Variants in RSU1 observed in about 807,000 individuals in gnomAD.
RSU1 encodes the protein rsu-1.
RSU1 carries 26 observed loss-of-function variants against 31.1 expected under a neutral mutation model. The observed-to-expected ratio is 0.84, with a 90% CI of 0.61 to 1.16. The LOEUF is 1.16. Among genes scored for constraint, RSU1 ranks in the 50% most tolerant of loss-of-function variants. The pLI is 0.00. For missense variants in RSU1, 320 were observed against 339.1 expected (o/e 0.94, Z 0.44); for synonymous variants, 164 against 136.3 (o/e 1.20, Z -1.41).
At chr10:16,638,353 T>A (rs1446067013) in intron 8 of RSU1, among the ~76,000 whole-genome samples, 1 of 152,146 alleles carries the variant, frequency 6.6e-6, no homozygotes, top group African/African-American at 2.4e-5. Flanking sequence ...CTTACGCAGA[T>A]CATCCCCGCC....
chr10:16,604,341 A>G (rs1174677564), intron 8 of RSU1, among the ~76,000 whole-genome samples: 2 of 152,128 alleles, frequency 1.3e-5, no homozygotes, highest in Admixed American at 1.3e-4. Flanking sequence ...CTGGAGAGAG[A>G]ACCTGCCCAT....
intron 2 of RSU1, among the ~76,000 whole-genome samples, chr10:16,805,166 C>T (rs1290631844): frequency 1.3e-5 from 2 of 151,916 alleles, no homozygotes; most frequent in Non-Finnish European, 2.9e-5. Flanking sequence ...CAGATCACAC[C>T]ATTGCAATCC....
intron 2 of RSU1, among the ~76,000 whole-genome samples, chr10:16,785,998 T>C (rs78150540): frequency 0.045 from 6,835 of 152,162 alleles, 311 homozygotes; most frequent in East Asian, 0.14. Flanking sequence ...TCTGACAATG[T>C]CTGGAGACAT....
In RSU1 at chr10:16,755,563, G is replaced by A. The variant is rs966157343; in HGVS notation, c.282-574C>T. Among the ~76,000 whole-genome samples the A allele has an allele frequency of 7.2e-5, 11 of 151,878 alleles. No homozygotes were observed. In the East Asian group the frequency reaches 7.7e-4, roughly 11 times the overall value. ...GTTTAAATCATACTATTTAACACAC[G>A]CGCTGCCTCATATGCTTGTCATTTT... On this transcript the variant is annotated intron_variant, in intron 4 of 8. Coordinates refer to ENST00000345264, the MANE Select transcript of RSU1 (RefSeq NM_012425.4).
chr10:16,739,857 C>A (rs1196971342), intron 7 of RSU1, among the ~76,000 whole-genome samples: 1 of 152,054 alleles, frequency 6.6e-6, no homozygotes, highest in Non-Finnish European at 1.5e-5. Flanking sequence ...GTGATCCACC[C>A]GCCTCAGCCT....
intron 7 of RSU1, among the ~76,000 whole-genome samples, chr10:16,714,668 T>C (rs1255524572): frequency 6.6e-6 from 1 of 152,106 alleles, no homozygotes; most frequent in East Asian, 1.9e-4. Context: ...CCATGTGACC[T>C]ATGCTTTGGG....
chr10:16,714,151 T>A (rs1188527782), intron 7 of RSU1, among the ~76,000 whole-genome samples: 1 of 152,108 alleles, frequency 6.6e-6, no homozygotes, highest in Non-Finnish European at 1.5e-5. Flanking sequence ...GGGCTGAGCT[T>A]AGGTGCATAT....
intron 8 of RSU1, among the ~76,000 whole-genome samples, chr10:16,623,667 T>C (rs1198536243): frequency 1.3e-5 from 2 of 152,228 alleles, no homozygotes; most frequent in African/African-American, 4.8e-5. Context: ...CCGTGTTCTC[T>C]GCAGCCTCGC....
chr10:16,593,500 C>T lies in RSU1; in HGVS notation c.732-4G>A, dbSNP rs761883228. The T allele has an allele frequency of 6.2e-6, 10 of 1,608,022 alleles. No individual in the cohort carries two copies. In the South Asian group the frequency reaches 1.1e-4, roughly 18 times the overall value. ...CTGCATGTGTCTGCCGTAGAGGCTG[C>T]AAAGACAGAGAAAGGACACTATCAG... On this transcript the variant is annotated splice_region_variant and splice_polypyrimidine_tract_variant and intron_variant, in intron 8 of 8. Coordinates refer to ENST00000345264, the MANE Select transcript of RSU1 (RefSeq NM_012425.4).
At chr10:16,707,139 T>G (rs1421406070) in intron 7 of RSU1, among the ~76,000 whole-genome samples, 1 of 152,220 alleles carries the variant, frequency 6.6e-6, no homozygotes. Flanking sequence ...GTATTCATTC[T>G]TGCATTAATG....
At chr10:16,799,788 T>G (rs1033164264) in intron 2 of RSU1, among the ~76,000 whole-genome samples, 6 of 152,022 alleles carry the variant, frequency 3.9e-5, no homozygotes, top group Non-Finnish European at 2.9e-5. Context: ...CTGATGGAAA[T>G]ACCCAACTCC....
chr10:16,744,131 CAA>C (rs199565122), intron 7 of RSU1, among the ~76,000 whole-genome samples: 15 of 114,856 alleles, frequency 1.3e-4, no homozygotes, highest in Admixed American at 3.7e-4. Context: ...GACTCTGTCT[CAA>C]AAAAAAAAAA....
At chr10:16,781,223 T>C (rs1837642264) in intron 3 of RSU1, among the ~76,000 whole-genome samples, 2 of 152,138 alleles carry the variant, frequency 1.3e-5, no homozygotes, top group Non-Finnish European at 2.9e-5. Flanking sequence ...CGTGGGTCCC[T>C]GTCATTAAAA....
intron 8 of RSU1, among the ~76,000 whole-genome samples, chr10:16,664,787 G>T (rs1368942767): frequency 6.6e-6 from 1 of 152,164 alleles, no homozygotes; most frequent in East Asian, 1.9e-4. Context: ...GCAGTTTAGA[G>T]ACATAATACC....
intron 8 of RSU1, among the ~76,000 whole-genome samples, chr10:16,619,010 T>C (rs1004082470): frequency 6.6e-6 from 1 of 152,184 alleles, no homozygotes; most frequent in Non-Finnish European, 1.5e-5. Flanking sequence ...AAAATGGGCA[T>C]TCCACCTGCT....
intron 8 of RSU1, among the ~76,000 whole-genome samples, chr10:16,599,627 T>C (rs1450632098): frequency 1.3e-5 from 2 of 152,314 alleles, no homozygotes; most frequent in South Asian, 2.1e-4. Context: ...CCAGCTACCA[T>C]GGAGAGCTTG....
At chr10:16,736,456 A>AAG (rs1455031617) in intron 7 of RSU1, among the ~76,000 whole-genome samples, 1 of 152,180 alleles carries the variant, frequency 6.6e-6, no homozygotes, top group Non-Finnish European at 1.5e-5. Context: ...CCCAGGAGTA[A>AAG]AGACTAGTAA....
At chr10:16,777,231 TTACA>T (rs1408991197) in intron 3 of RSU1, among the ~76,000 whole-genome samples, 1 of 151,938 alleles carries the variant, frequency 6.6e-6, no homozygotes, top group Non-Finnish European at 1.5e-5. Flanking sequence ...TAAAATCTGG[TTACA>T]TAAATACTTC....
intron 3 of RSU1, among the ~76,000 whole-genome samples, chr10:16,780,681 A>G (rs1837631629): frequency 6.6e-6 from 1 of 152,218 alleles, no homozygotes; most frequent in African/African-American, 2.4e-5. Flanking sequence ...ACTGCTCACA[A>G]ATCTTGGGGG....
Sources: allele counts gnomAD v4.1 joint callset (sites outside exome capture counted in the v4.1 genomes callset), GRCh38; gene constraint gnomAD v4.1.1; transcripts MANE v1.5; gene names NCBI Gene and HGNC (gene_info 2026-07-23, HGNC 2026-07-21).